USP48: variants seen among roughly 807,000 people sequenced by gnomAD.
The protein encoded by USP48 is ubiquitin specific peptidase 48.
USP48 carries 43 observed loss-of-function variants against 150.7 expected under a neutral mutation model. That is an observed-to-expected ratio of 0.29 (90% confidence interval 0.22 to 0.37). USP48 has a LOEUF of 0.37. Ranked by LOEUF, USP48 falls within the 10% of genes least tolerant of loss-of-function variation. The pLI is 1.00. For missense variants in USP48, 813 were observed against 1,249.6 expected (o/e 0.65, Z 5.27); for synonymous variants, 396 against 425.9 (o/e 0.93, Z 0.86).
At chr1:21,735,923 G>A (rs2097767941) in intron 9 of USP48, among the ~76,000 whole-genome samples, 1 of 148,992 alleles carries the variant, frequency 6.7e-6, no homozygotes, top group African/African-American at 2.5e-5. Context: ...GGAAAAGGAA[G>A]AATTAGCTGA....
chr1:21,719,737 T>G (rs1024849205), intron 14 of USP48, among the ~76,000 whole-genome samples: 3 of 151,872 alleles, frequency 2.0e-5, no homozygotes, highest in Non-Finnish European at 1.5e-5. Context: ...CGTGGTGGTG[T>G]GCACCTGTAA....
rs35911894 is a variant in USP48, at chr1:21,778,601, T to TAAA, written c.134+4220_134+4222dup. Among the ~76,000 whole-genome samples the TAAA allele has an allele frequency of 9.1e-4, 81 of 88,810 alleles. 1 individual carries two copies. Among genetic ancestry groups the TAAA allele is most frequent in the African/African-American group, 1.6e-3 (34 of 21,308 alleles). 58.3% of individuals were successfully genotyped at this position (88,810 alleles called of 152,430 possible). ...ACACAACATAGCAAGACCCTCATCT[T>TAAA]AAAAAAAAAAAAAAAAAAAAAGCCA... On this transcript the variant is annotated intron_variant, in intron 1 of 26. Coordinates refer to ENST00000308271, the MANE Select transcript of USP48 (RefSeq NM_032236.8).
intron 5 of USP48, 130 bp from the exon 6 acceptor site, chr1:21,751,745 T>C: frequency 1.4e-6 from 1 of 710,300 alleles, no homozygotes; most frequent in Non-Finnish European, 2.3e-6. Flanking sequence ...AGAAATTATG[T>C]ATACTAAAAA....
intron 11 of USP48, chr1:21,727,906 G>A (rs1190460235): frequency 2.0e-6 from 2 of 982,428 alleles, no homozygotes; most frequent in Non-Finnish European, 1.2e-6. Context: ...TCTTCCTTAA[G>A]TAGGAATTAG....
chr1:21,696,957 G>A (rs2097635240), intron 22 of USP48, among the ~76,000 whole-genome samples: 2 of 152,092 alleles, frequency 1.3e-5, no homozygotes, highest in Admixed American at 1.3e-4. Flanking sequence ...CCAGGCCAGG[G>A]AATAAAAGAA....
At chr1:21,709,555 C>T (rs562920665) in intron 15 of USP48, among the ~76,000 whole-genome samples, 2 of 149,520 alleles carry the variant, frequency 1.3e-5, no homozygotes, top group East Asian at 3.9e-4. Flanking sequence ...ACGGCAACTA[C>T]AATATTTAAA....
chr1:21,740,066 C>G (rs2097777877), intron 8 of USP48, among the ~76,000 whole-genome samples: 1 of 152,202 alleles, frequency 6.6e-6, no homozygotes, highest in African/African-American at 2.4e-5. Flanking sequence ...CATGCGCCAC[C>G]ATGCCTGGCT....
intron 1 of USP48, among the ~76,000 whole-genome samples, chr1:21,760,401 C>G (rs1247755795): frequency 6.6e-6 from 1 of 152,180 alleles, no homozygotes; most frequent in Non-Finnish European, 1.5e-5. Context: ...AACCAAACAA[C>G]AAAAACTACT....
intron 14 of USP48, among the ~76,000 whole-genome samples, chr1:21,716,327 C>A (rs1030007321): frequency 6.6e-6 from 1 of 152,120 alleles, no homozygotes; most frequent in African/African-American, 2.4e-5. Flanking sequence ...TACAGTCAAT[C>A]TGAGCACCAA....
At chr1:21,700,130 G>A (rs947716307) in intron 22 of USP48, among the ~76,000 whole-genome samples, 1 of 151,508 alleles carries the variant, frequency 6.6e-6, no homozygotes, top group Non-Finnish European at 1.5e-5. Flanking sequence ...GTTTAATAAG[G>A]GCATCACTTA....
intron 1 of USP48, among the ~76,000 whole-genome samples, chr1:21,770,940 T>C (rs2097878308): frequency 6.6e-6 from 1 of 151,596 alleles, no homozygotes; most frequent in South Asian, 2.1e-4. Flanking sequence ...CTGGCCAAGA[T>C]GGTGAAACCC....
chr1:21,751,698 A>G (rs2097814476), intron 5 of USP48, 83 bp from the exon 6 acceptor site: 1 of 1,030,476 alleles, frequency 9.7e-7, no homozygotes, highest in African/African-American at 1.6e-5. Context: ...AGAAAGATGG[A>G]AAAAAGCATT....
chr1:21,757,664 T>G lies in USP48; in HGVS notation c.254A>C (p.Lys85Thr). 6.2e-7 allele frequency: 1 copy of G among 1,603,778 alleles called. No individual in the cohort carries two copies. Among genetic ancestry groups the G allele is most frequent in the Non-Finnish European group, 8.5e-7 (1 of 1,177,318 alleles). ...IDDPNCERRK[K>T]NSFVGLTNLG... ...ATCGCTTAAAAAATGATGGTTTACC[T>G]TTTTTCTCCTCTCACAGTTGGGATC... The change falls in exon 2 of 27, where the codon AAG becomes ACG. Residue 85 changes from lysine (K) to threonine (T), a missense_variant and splice_region_variant. Coordinates refer to ENST00000308271, the MANE Select transcript of USP48 (RefSeq NM_032236.8).
intron 9 of USP48, among the ~76,000 whole-genome samples, chr1:21,736,065 A>G (rs1406305823): frequency 6.6e-6 from 1 of 151,862 alleles, no homozygotes; most frequent in African/African-American, 2.4e-5. Context: ...ACAGAGTAAG[A>G]CTCTCTCTTA....
At chr1:21,772,211 A>T (rs367948179) in intron 1 of USP48, among the ~76,000 whole-genome samples, 1 of 152,214 alleles carries the variant, frequency 6.6e-6, no homozygotes, top group Non-Finnish European at 1.5e-5. Context: ...TCCAGAAACC[A>T]TAAAAAAAGC....
At chr1:21,704,237 A>C in intron 20 of USP48, 25 bp downstream of exon 20, 2 of 1,603,634 alleles carry the variant, frequency 1.2e-6, no homozygotes, top group Non-Finnish European at 1.7e-6. Flanking sequence ...TAACTATAGA[A>C]ACCGAAAGCA....
At chr1:21,760,199 C>G (rs1024589461) in intron 1 of USP48, among the ~76,000 whole-genome samples, 1 of 152,152 alleles carries the variant, frequency 6.6e-6, no homozygotes, top group Non-Finnish European at 1.5e-5. Flanking sequence ...AAGAAAGATT[C>G]ACTAACAGTT....
At chr1:21,703,265 T>C (rs531899865) in intron 21 of USP48, among the ~76,000 whole-genome samples, 1 of 152,354 alleles carries the variant, frequency 6.6e-6, no homozygotes, top group East Asian at 1.9e-4. Context: ...CCCCAGCACC[T>C]GGACCATTCC....
At chr1:21,742,257 T>C (rs2097783524) in intron 8 of USP48, among the ~76,000 whole-genome samples, 3 of 152,052 alleles carry the variant, frequency 2.0e-5, no homozygotes, top group African/African-American at 7.2e-5. Flanking sequence ...AGAGAACTCC[T>C]GGCTGGGCAC....
Sources: gnomAD v4.1 joint callset for allele counts (sites outside exome capture counted in the v4.1 genomes callset) on GRCh38, gnomAD v4.1.1 for gene constraint, MANE v1.5 for transcripts, NCBI Gene and HGNC (gene_info 2026-07-23, HGNC 2026-07-21) for gene names.